Variants in NEBL observed in about 807,000 individuals in gnomAD.
The protein encoded by NEBL is LIM and SH3 protein 2.
A neutral mutation model predicts 140.2 loss-of-function variants in NEBL; 122 were observed. The ratio of observed to expected loss-of-function variants is 0.87; its 90% CI spans 0.75 to 1.01. The LOEUF (loss-of-function observed/expected upper bound fraction) is 1.01, where lower values mean the gene tolerates loss of function less well. Ranked by LOEUF, NEBL falls within the 50% of genes least tolerant of loss-of-function variation. The pLI is 0.00. For synonymous variants in NEBL, 436 were observed against 398.9 expected (o/e 1.09, Z -1.11); for missense variants, 1,365 against 1,231.3 (o/e 1.11, Z -1.62).
intron 2 of NEBL, among the ~76,000 whole-genome samples, chr10:21,250,522 T>TA (rs777633984): frequency 4.6e-5 from 7 of 152,228 alleles, no homozygotes; most frequent in Admixed American, 2.0e-4. Context: ...CATATCCTGT[T>TA]AGTTCCATCC....
chr10:20,804,743 G>C (rs548739242), intron 26 of NEBL, among the ~76,000 whole-genome samples: 29 of 152,264 alleles, frequency 1.9e-4, no homozygotes, highest in African/African-American at 7.0e-4. Flanking sequence ...GATATACTTG[G>C]AATGGCAGAA....
intron 4 of NEBL, among the ~76,000 whole-genome samples, chr10:20,931,360 T>C (rs1245327810): frequency 6.6e-6 from 1 of 152,188 alleles, no homozygotes; most frequent in East Asian, 1.9e-4. Context: ...ACTGCTAACA[T>C]AGAAGACTGG....
In NEBL at chr10:21,102,124, T is replaced by G. The variant is rs1423236756; in HGVS notation, c.164+70259A>C. Among the ~76,000 whole-genome samples the G allele has an allele frequency of 2.6e-5, 4 of 152,368 alleles. No homozygotes were observed. In the South Asian group the frequency reaches 8.3e-4, roughly 32 times the overall value. Reference sequence around the variant, plus strand: ...CAAACATCATTCCTAAGGTCTCATCTGCTCTAAATGTCCAGACTTCTACCA... The same window carrying G: ...CAAACATCATTCCTAAGGTCTCATCGGCTCTAAATGTCCAGACTTCTACCA... On this transcript the variant is annotated intron_variant, in intron 2 of 6. Transcript: ENST00000417816.
intron 4 of NEBL, chr10:20,961,619 C>G (rs1166404871): frequency 7.6e-7 from 1 of 1,314,446 alleles, no homozygotes; most frequent in African/African-American, 1.5e-5. Flanking sequence ...CTCCCTTTCT[C>G]ATCCAGAAAT....
chr10:20,888,243 T>C (rs912681985), intron 3 of NEBL, 36 bp from the exon 4 acceptor site: 1 of 1,234,996 alleles, frequency 8.1e-7, no homozygotes, highest in Non-Finnish European at 1.2e-6. Flanking sequence ...AATAAATAAA[T>C]AAACTTCCAT....
chr10:21,157,652 T>C (rs1308928255), intron 2 of NEBL, among the ~76,000 whole-genome samples: 1 of 152,228 alleles, frequency 6.6e-6, no homozygotes, highest in Non-Finnish European at 1.5e-5. Flanking sequence ...CTTTCTTCTC[T>C]AGCATCAAAA....
chr10:21,023,164 T>C (rs1838869189), intron 2 of NEBL, among the ~76,000 whole-genome samples: 1 of 152,246 alleles, frequency 6.6e-6, no homozygotes, highest in African/African-American at 2.4e-5. Flanking sequence ...GTTTTGTTTT[T>C]CAAAATGTAT....
intron 4 of NEBL, among the ~76,000 whole-genome samples, chr10:20,923,666 CAAAAAAAAAAAAAAAAAA>C (rs71390799): frequency 1.1e-4 from 3 of 28,362 alleles, no homozygotes; most frequent in African/African-American, 2.5e-4. Context: ...GACTCCGTCT[CAAAAAAAAAAAAAAAAAA>C]AAAAAAAAAA....
At chr10:21,104,746 G>C (rs559794264) in intron 2 of NEBL, among the ~76,000 whole-genome samples, 1 of 152,186 alleles carries the variant, frequency 6.6e-6, no homozygotes. Context: ...GCACTGATAA[G>C]AACTTCCAGT....
intron 2 of NEBL, among the ~76,000 whole-genome samples, chr10:21,251,411 T>C (rs1266317948): frequency 1.3e-5 from 2 of 152,166 alleles, no homozygotes. Flanking sequence ...GTTAGGTCAA[T>C]CTCTTTCAGA....
intron 3 of NEBL, among the ~76,000 whole-genome samples, chr10:21,192,570 C>A (rs532855847): frequency 1.7e-4 from 26 of 150,548 alleles, no homozygotes; most frequent in African/African-American, 5.8e-4. Context: ...TCTGGCCAGG[C>A]GTTGTGGCTC....
In NEBL at chr10:20,819,422, G is replaced by A; in HGVS notation, c.2055+2C>T. 1 of 1,614,048 alleles carries A rather than the reference G, an allele frequency of 6.2e-7. No individual in the cohort carries two copies. The highest frequency in any genetic ancestry group is 1.1e-5 in the South Asian group (1 of 91,082). ...ATATAAAAGGAAACAGAAACGACTTGCCGCACTCAGCTGCTCCTGGTTTCG... is the reference window on the plus strand; with the variant it reads ...ATATAAAAGGAAACAGAAACGACTTACCGCACTCAGCTGCTCCTGGTTTCG... On this transcript the variant is annotated splice_donor_variant, in intron 20 of 27. Coordinates refer to ENST00000377122, the MANE Select transcript of NEBL (RefSeq NM_006393.3). LOFTEE classifies it low-confidence loss of function (GC_TO_GT_DONOR).
chr10:20,830,744 A>AG (rs554009587), intron 16 of NEBL, among the ~76,000 whole-genome samples: 47 of 151,446 alleles, frequency 3.1e-4, no homozygotes, highest in African/African-American at 1.1e-3. Context: ...CAAAAAAAAA[A>AG]AAAGAAAGAA....
intron 12 of NEBL, 88 bp downstream of exon 12, chr10:20,845,170 C>T (rs571841505): frequency 5.4e-5 from 44 of 812,904 alleles, no homozygotes; most frequent in Non-Finnish European, 8.6e-5. Context: ...ATCTGAAACA[C>T]TGAATTAGTA....
At chr10:20,824,857 T>A (rs1330731686) in intron 18 of NEBL, among the ~76,000 whole-genome samples, 2 of 152,314 alleles carry the variant, frequency 1.3e-5, no homozygotes, top group East Asian at 3.9e-4. Context: ...CTACAGAATA[T>A]TTATAATATT....
At chr10:20,804,301 T>G (rs1310284323) in intron 26 of NEBL, 1 of 152,166 alleles carries the variant, frequency 6.6e-6, no homozygotes, top group African/African-American at 2.4e-5. Context: ...ATTCAAAATA[T>G]GTACTCATTA....
Position 20,908,609 on chromosome 10 carries a change from T to C in NEBL, c.357+53063A>G, listed in dbSNP as rs558762310. On this transcript the variant is annotated intron_variant, in intron 4 of 6. Coordinates refer to the NEBL transcript ENST00000417816. The stretch of plus-strand genomic sequence containing the variant: ...AGCTGGCAAATGTTTAACAATCAAC[T>C]CTCTCAGGGTTTATATTTTTTAATT... Among the ~76,000 whole-genome samples the C allele has an allele frequency of 2.0e-5, 3 of 152,214 alleles. No homozygotes were observed. In the East Asian group the frequency reaches 5.8e-4, roughly 29 times the overall value.
intron 8 of NEBL, 67 bp downstream of exon 8, chr10:20,859,646 C>G (rs1843453369): frequency 9.4e-7 from 1 of 1,067,158 alleles, no homozygotes; most frequent in South Asian, 1.3e-5. Context: ...AATTACAACA[C>G]AGTCGATTCT....
chr10:20,808,119 T>C (rs900194057), intron 26 of NEBL, among the ~76,000 whole-genome samples: 1 of 152,100 alleles, frequency 6.6e-6, no homozygotes, highest in African/African-American at 2.4e-5. Context: ...CCAATATTAC[T>C]GTAAGATTGA....
Sources: gnomAD v4.1 joint callset for allele counts (sites outside exome capture counted in the v4.1 genomes callset) on GRCh38, gnomAD v4.1.1 for gene constraint, MANE v1.5 for transcripts, NCBI Gene and HGNC (gene_info 2026-07-23, HGNC 2026-07-21) for gene names.